The following FGD5 variants were observed in gnomAD, a reference collection of about 807,000 sequenced individuals.
FGD5 encodes the protein FYVE, RhoGEF and PH domain-containing protein 5.
Under a neutral mutation model 133.4 loss-of-function variants are expected in FGD5, and 28 were observed. That is an observed-to-expected ratio of 0.21 (90% confidence interval 0.16 to 0.29). The LOEUF is 0.29. FGD5 is among the 10% of genes least tolerant of loss of function. The probability of loss-of-function intolerance (pLI) is 1.00; values close to 1 mark genes in which losing one functional copy is unlikely to be tolerated. For missense variants in FGD5, 1,858 were observed against 1,895.2 expected (o/e 0.98, Z 0.36); for synonymous variants, 810 against 776.5 (o/e 1.04, Z -0.72).
intron 7 of FGD5, among the ~76,000 whole-genome samples, chr3:14,899,525 G>A (rs2038197068): frequency 6.6e-6 from 1 of 152,208 alleles, no homozygotes; most frequent in Admixed American, 6.5e-5. Flanking sequence ...GCATGGATAT[G>A]TAATTCCAGG....
At position 14,933,195 on chromosome 3, in the gene FGD5, A is replaced by G; in HGVS notation, c.*28A>G. 1 of 1,611,072 alleles carries G rather than the reference A, an allele frequency of 6.2e-7. No homozygotes were observed. Among genetic ancestry groups the G allele is most frequent in the Admixed American group, 1.7e-5 (1 of 59,656 alleles). On this transcript the variant is annotated 3_prime_UTR_variant, in exon 20 of 20. Transcript: ENST00000285046. ...GTTATCAAGCATGTGGACTTGTAAC[A>G]AATTCTTAGGTCAATATGTGAATGC...
intron 4 of FGD5, among the ~76,000 whole-genome samples, chr3:14,887,286 G>T (rs1315815155): frequency 3.3e-5 from 5 of 152,164 alleles, no homozygotes. Context: ...CCAGTGGCTT[G>T]TGATGCCTGG....
At chr3:14,854,882 C>T (rs1380610954) in intron 1 of FGD5, among the ~76,000 whole-genome samples, 1 of 152,178 alleles carries the variant, frequency 6.6e-6, no homozygotes, top group Non-Finnish European at 1.5e-5. Context: ...TATCCTCCTC[C>T]TAGCTATTTG....
chr3:14,836,234 G>A (rs774384767), intron 1 of FGD5, among the ~76,000 whole-genome samples: 5 of 152,204 alleles, frequency 3.3e-5, no homozygotes, highest in African/African-American at 7.2e-5. Context: ...GTCATATGGC[G>A]AGAGATTGTT....
At chr3:14,926,444 A>G (rs975308013) in intron 18 of FGD5, among the ~76,000 whole-genome samples, 2 of 152,240 alleles carry the variant, frequency 1.3e-5, no homozygotes, top group African/African-American at 2.4e-5. Context: ...GGACATGCCA[A>G]GCTGTGCCGC....
At chr3:14,908,477 A>G (rs1335930948) in intron 10 of FGD5, among the ~76,000 whole-genome samples, 1 of 152,086 alleles carries the variant, frequency 6.6e-6, no homozygotes, top group African/African-American at 2.4e-5. Flanking sequence ...TGAAAGACAC[A>G]GTCTTGAGCA....
chr3:14,849,900 G>A (rs1235883637), intron 1 of FGD5, among the ~76,000 whole-genome samples: 1 of 152,086 alleles, frequency 6.6e-6, no homozygotes, highest in East Asian at 1.9e-4. Context: ...TGCTTCTGTT[G>A]TTAGTATTGG....
At chr3:14,839,189 C>T (rs931206107) in intron 1 of FGD5, among the ~76,000 whole-genome samples, 3 of 152,202 alleles carry the variant, frequency 2.0e-5, no homozygotes, top group South Asian at 2.1e-4. Context: ...ACATTTGACC[C>T]GTCATTTCTG....
In FGD5 at chr3:14,926,178, T is replaced by C. The variant is rs1213239511; in HGVS notation, c.4177T>C (p.Tyr1393His). 1.9e-6 allele frequency: 3 copies of C among 1,613,526 alleles called. No homozygotes were observed. Among genetic ancestry groups the C allele is most frequent in the Non-Finnish European group, 2.5e-6 (3 of 1,179,670 alleles). ...GTTTGTCATCAAAGGCAAAGTTCTC[T>C]ACACCTACATGGCCAGTGAGGTAGT... is the stretch of plus-strand genomic sequence containing the variant. ...LWFVIKGKVL[Y>H]TYMASEDKVA... The change falls in exon 18 of 20, where the codon TAC (tyrosine) becomes CAC (histidine). Residue 1393 changes from tyrosine to histidine, a missense_variant. Around this residue, in one of 3 missense-constraint regions of FGD5, gnomAD observed 1,824 missense variants for 1,848.9 expected, o/e 0.99. Coordinates refer to ENST00000285046, the MANE Select transcript of FGD5 (RefSeq NM_152536.4).
chr3:14,822,057 G>A (rs1384871829), intron 1 of FGD5, among the ~76,000 whole-genome samples: 2 of 151,358 alleles, frequency 1.3e-5, no homozygotes, highest in African/African-American at 2.4e-5. Flanking sequence ...CTGAGATCAC[G>A]CAACTGTACT....
chr3:14,840,042 ACT>A (rs2036889548), intron 1 of FGD5, among the ~76,000 whole-genome samples: 1 of 152,116 alleles, frequency 6.6e-6, no homozygotes, highest in African/African-American at 2.4e-5. Context: ...TTCTCACATC[ACT>A]GAGTCCTGGT....
Position 14,820,094 on chromosome 3 carries a change from C to T in FGD5, c.1023C>T (p.Ser341=). The change falls in exon 1 of 20, where the codon TCC becomes TCT. Residue 341 remains serine (S), a synonymous_variant. Transcript: ENST00000285046. The stretch of plus-strand genomic sequence containing the variant: ...ACTGCATGGAGGACTTCGTGACTTC[C>T]CTCACAGGAAGCCCCTATGAGTTCT... ...ENDCMEDFVT[S]LTGSPYEFFP... is the part of the protein sequence containing the mutation. The T allele has an allele frequency of 6.2e-7, 1 of 1,614,046 alleles. No homozygotes were observed. The highest frequency in any genetic ancestry group is 1.1e-5 in the South Asian group (1 of 91,080).
At position 14,819,668 on chromosome 3, in the gene FGD5, C is replaced by T; in HGVS notation, c.597C>T (p.Ile199=). ...VFQSDLLLPH[I]HGEDQEPPDT... The stretch of plus-strand genomic sequence containing the variant: ...AGAGCGACCTCCTCCTGCCTCACAT[C>T]CATGGAGAGGACCAGGAGCCCCCCG... Residue 199 remains isoleucine (I), a synonymous_variant, in exon 1 of 20, where the codon ATC becomes ATT. Transcript: ENST00000285046. The surrounding 1 kb of genome is among the most constrained non-coding windows in gnomAD (Gnocchi z 4.1). 1.3e-6 allele frequency: 2 copies of T among 1,546,496 alleles called. No homozygotes were observed. The highest frequency in any genetic ancestry group is 8.7e-7 in the Non-Finnish European group (1 of 1,144,194).
At chr3:14,879,458 A>G (rs1377225905) in intron 2 of FGD5, among the ~76,000 whole-genome samples, 1 of 152,240 alleles carries the variant, frequency 6.6e-6, no homozygotes, top group Non-Finnish European at 1.5e-5. Flanking sequence ...CTTCCTGTTT[A>G]TAGACATAAT....
intron 7 of FGD5, among the ~76,000 whole-genome samples, chr3:14,899,089 C>T (rs544606035): frequency 4.9e-4 from 75 of 152,280 alleles, no homozygotes; most frequent in Middle Eastern, 6.8e-3. Flanking sequence ...GCTTGCACTT[C>T]CTCCCTGCCT....
chr3:14,825,252 A>G (rs961516790), intron 1 of FGD5, among the ~76,000 whole-genome samples: 3 of 152,128 alleles, frequency 2.0e-5, no homozygotes, highest in African/African-American at 7.2e-5. Context: ...TAAATTTATT[A>G]CCTATGTCCA....
intron 11 of FGD5, among the ~76,000 whole-genome samples, chr3:14,916,449 T>C (rs1184041314): frequency 6.6e-6 from 1 of 152,228 alleles, no homozygotes; most frequent in Non-Finnish European, 1.5e-5. Context: ...CAAATATTAA[T>C]TGAGCACCTA....
intron 1 of FGD5, among the ~76,000 whole-genome samples, chr3:14,828,042 A>G (rs374353250): frequency 7.2e-5 from 11 of 152,166 alleles, no homozygotes; most frequent in Non-Finnish European, 1.2e-4. Context: ...GGGAGCAGGA[A>G]GACCCAGGAG....
chr3:14,898,716 T>G, intron 6 of FGD5, 23 bp from the exon 7 acceptor site: 1 of 1,560,838 alleles, frequency 6.4e-7, no homozygotes, highest in Non-Finnish European at 8.7e-7. Context: ...GATAAGGTTT[T>G]TCCTTCCCTG....
Sources: gnomAD v4.1 joint callset for allele counts (sites outside exome capture counted in the v4.1 genomes callset) on GRCh38, gnomAD v4.1.1 for gene constraint, gnomAD v4.1.1 regional missense constraint, Gnocchi (gnomAD v3.1) non-coding constraint, MANE v1.5 for transcripts, NCBI Gene and HGNC (gene_info 2026-07-23, HGNC 2026-07-21) for gene names.